Variants in CDH2 observed in about 807,000 individuals in gnomAD.
CDH2 encodes the protein cadherin 2.
In CDH2, 17 loss-of-function variants were observed where a neutral mutation model predicts 92.0. The observed-to-expected ratio is 0.18, with a 90% confidence interval of 0.13 to 0.28. The LOEUF is 0.28. Among genes scored for constraint, CDH2 ranks in the 10% least tolerant of loss-of-function variants. The pLI, the probability that CDH2 is intolerant of heterozygous loss-of-function variation, is 1.00. For synonymous variants in CDH2, 419 were observed against 415.9 expected, an observed-to-expected ratio of 1.01 and a Z score of -0.09; for missense variants, 862 against 1,133.1, an observed-to-expected ratio of 0.76 and a Z score of 3.44.
chr18:27,949,147 A>G (rs539073255), downstream of CDH2, among the ~76,000 whole-genome samples: 6 of 152,114 alleles, frequency 3.9e-5, no homozygotes, highest in South Asian at 4.1e-4. Flanking sequence ...AAGAAAAAAG[A>G]AGGCGGCCCT....
At chr18:28,142,490 G>GAA (rs66679923) in intron 2 of CDH2, among the ~76,000 whole-genome samples, 5 of 138,718 alleles carry the variant, frequency 3.6e-5, no homozygotes, top group African/African-American at 1.3e-4. Context: ...GATTGAAATA[G>GAA]AAAAAAAAAA....
At chr18:28,148,394 C>A (rs1490309902) in intron 1 of CDH2, among the ~76,000 whole-genome samples, 2 of 152,166 alleles carry the variant, frequency 1.3e-5, no homozygotes, top group African/African-American at 2.4e-5. Context: ...TGTTTTTACA[C>A]TTAAAATTAG....
chr18:28,146,932 A>ATAC (rs1278983888), intron 2 of CDH2, among the ~76,000 whole-genome samples: 1 of 152,176 alleles, frequency 6.6e-6, no homozygotes. Flanking sequence ...GTCCATGAAA[A>ATAC]TACTACTAAC....
chr18:27,980,274 G>A (rs1359793163), intron 14 of CDH2, among the ~76,000 whole-genome samples: 3 of 152,168 alleles, frequency 2.0e-5, no homozygotes, highest in Admixed American at 6.5e-5. Context: ...CCTAGTGTAT[G>A]AGGGGGTAAA....
intron 2 of CDH2, among the ~76,000 whole-genome samples, chr18:28,137,859 A>G (rs2015890105): frequency 6.6e-6 from 1 of 152,156 alleles, no homozygotes; most frequent in Non-Finnish European, 1.5e-5. Flanking sequence ...AAATCCCGTT[A>G]CTTTCATATA....
At position 28,087,960 on chromosome 18, in the gene CDH2, C is replaced by A. The variant is rs142548468; in HGVS notation, c.172+59713G>T. Among the ~76,000 whole-genome samples, 626 of 152,180 alleles carry A rather than the reference C, an allele frequency of 4.1e-3. 6 individuals are homozygous for A. Among genetic ancestry groups the A allele is most frequent in the African/African-American group, 0.013 (553 of 41,520 alleles). The stretch of plus-strand genomic sequence containing the variant: ...CTCCCGCCTCATTTTTTTCCTCCCC[C>A]TCAAAGAGGGAGTGAATGTGAAATT... On this transcript the variant is annotated intron_variant, in intron 2 of 15. Coordinates refer to ENST00000269141, the MANE Select transcript of CDH2 (RefSeq NM_001792.5).
intron 2 of CDH2, among the ~76,000 whole-genome samples, chr18:28,102,556 G>C (rs1160086353): frequency 6.6e-6 from 1 of 152,166 alleles, no homozygotes; most frequent in Non-Finnish European, 1.5e-5. Flanking sequence ...AGTAGTTGGT[G>C]CCTTGGGAAA....
In CDH2 at chr18:27,952,099, G is replaced by C; in HGVS notation, c.*54C>G. On this transcript the variant is annotated 3_prime_UTR_variant, in exon 16 of 16. Coordinates refer to ENST00000269141, the MANE Select transcript of CDH2 (RefSeq NM_001792.5). ...AGCCTAGCTTCTGAATGCTTTTTGG[G>C]AATATCAGTTGAAATTGTTTGTACT... is the stretch of plus-strand genomic sequence containing the variant. 7.0e-7 allele frequency: 1 copy of C among 1,424,324 alleles called. No individual in the cohort carries two copies. Among genetic ancestry groups the C allele is most frequent in the Non-Finnish European group, 9.9e-7 (1 of 1,008,752 alleles). The allele number at this position is 1,424,324 out of a possible 1,614,324, so 88.2% of individuals were successfully genotyped here.
At position 27,951,802 on chromosome 18, in the gene CDH2, T is replaced by C. The variant is rs1909469292; in HGVS notation, c.*351A>G. On this transcript the variant is annotated 3_prime_UTR_variant, in exon 16 of 16. Coordinates refer to ENST00000269141, the MANE Select transcript of CDH2 (RefSeq NM_001792.5). ...GTGTTGAAGCATATCATGGTTTAAC[T>C]TACTGCTCCCACCACAAAATATTTT... 1 of 214,770 alleles carries C rather than the reference T, an allele frequency of 4.7e-6. No individual in the cohort carries two copies. The highest frequency in any genetic ancestry group is 8.5e-5 in the South Asian group (1 of 11,696). The allele number at this position is 214,770 out of a possible 1,614,324, so 13.3% of individuals were successfully genotyped here. A position where few individuals can be genotyped will look rare whatever the true frequency, so the allele number is the denominator to read the frequency against.
At chr18:28,025,566 G>GT (rs1398907284) in intron 2 of CDH2, among the ~76,000 whole-genome samples, 2 of 149,920 alleles carry the variant, frequency 1.3e-5, no homozygotes, top group Non-Finnish European at 3.0e-5. Flanking sequence ...TGCAATTGCA[G>GT]TAAGTTTTCA....
chr18:28,144,814 T>C (rs2016010190), intron 2 of CDH2, among the ~76,000 whole-genome samples: 1 of 152,078 alleles, frequency 6.6e-6, no homozygotes, highest in Non-Finnish European at 1.5e-5. Context: ...ACCCTTTTTA[T>C]GATTTCACAA....
rs1345401959 is a variant in CDH2, at chr18:27,985,600, C to T, written c.1903G>A (p.Gly635Arg). Reference sequence around the variant, plus strand: ...AAAGGAAGATCAAAAGCAAATGGTCCAGCATTTGGATCAATGTCATAATCA... The same window carrying T: ...AAAGGAAGATCAAAAGCAAATGGTCTAGCATTTGGATCAATGTCATAATCA... ...ALDYDIDPNAGPFAFDLPLSP... is the reference protein window; with the variant it reads ...ALDYDIDPNARPFAFDLPLSP... The change falls in exon 12 of 16, where the codon GGA (glycine) becomes AGA (arginine). Residue 635 changes from glycine (G) to arginine (R), a missense_variant. Coordinates refer to ENST00000269141, the MANE Select transcript of CDH2 (RefSeq NM_001792.5). 2.5e-6 allele frequency: 4 copies of T among 1,613,920 alleles called. No individual in the cohort carries two copies. Among genetic ancestry groups the T allele is most frequent in the Non-Finnish European group, 3.4e-6 (4 of 1,179,868 alleles).
intron 2 of CDH2, among the ~76,000 whole-genome samples, chr18:28,063,008 C>A (rs2144149661): frequency 6.6e-6 from 1 of 152,174 alleles, no homozygotes; most frequent in African/African-American, 2.4e-5. Flanking sequence ...AATATGCTCC[C>A]AAACTGTTAA....
intron 2 of CDH2, among the ~76,000 whole-genome samples, chr18:28,108,714 C>G (rs1568001528): frequency 6.6e-6 from 1 of 151,580 alleles, no homozygotes; most frequent in Non-Finnish European, 1.5e-5. Flanking sequence ...AGAGCTTTAT[C>G]AGGTGTTACT....
chr18:27,994,714 T>C (rs2143982812), intron 7 of CDH2, among the ~76,000 whole-genome samples: 1 of 152,174 alleles, frequency 6.6e-6, no homozygotes, highest in South Asian at 2.1e-4. Context: ...ATGGCCATTC[T>C]TAAGGGATTT....
chr18:28,166,149 C>CATATATATACAT (rs1555648242), intron 1 of CDH2, among the ~76,000 whole-genome samples: 44 of 59,278 alleles, frequency 7.4e-4, no homozygotes, highest in Admixed American at 2.8e-3. Context: ...CAGACACACT[C>CATATATATACAT]ATATATATAT....
intron 2 of CDH2, among the ~76,000 whole-genome samples, chr18:28,022,604 T>C (rs2013441558): frequency 6.6e-6 from 1 of 152,044 alleles, no homozygotes; most frequent in Admixed American, 6.6e-5. Flanking sequence ...TCATGAGCCA[T>C]GAGGGCTAAA....
chr18:28,045,393 T>C (rs1944642471), intron 2 of CDH2: 2 of 467,642 alleles, frequency 4.3e-6, no homozygotes, highest in Non-Finnish European at 8.9e-6. Flanking sequence ...CTCCATTGAT[T>C]AGAAAAGAAA....
chr18:28,160,963 G>C (rs548924797), intron 1 of CDH2, among the ~76,000 whole-genome samples: 1 of 152,210 alleles, frequency 6.6e-6, no homozygotes, highest in East Asian at 1.9e-4. Flanking sequence ...TGTCCTTCTT[G>C]AGGTGCCTTT....
Sources: gnomAD v4.1 joint callset for allele counts (sites outside exome capture counted in the v4.1 genomes callset) on GRCh38, gnomAD v4.1.1 for gene constraint, MANE v1.5 for transcripts, NCBI Gene and HGNC (gene_info 2026-07-23, HGNC 2026-07-21) for gene names.